Variants in UBTD1 observed in about 807,000 individuals in gnomAD.
UBTD1 encodes ubiquitin domain-containing protein 1.
Under a neutral mutation model 21.7 loss-of-function variants are expected in UBTD1, and 19 were observed. The observed-to-expected ratio is 0.87, with a 90% CI of 0.61 to 1.28. The LOEUF (loss-of-function observed/expected upper bound fraction) is 1.28, where lower values mean the gene tolerates loss of function less well. UBTD1 is among the 50% of genes most tolerant of loss of function. UBTD1 has a pLI of 0.00. For missense variants in UBTD1, 282 were observed against 315.1 expected (o/e 0.89, Z 0.80); for synonymous variants, 116 against 135.1 (o/e 0.86, Z 0.98).
At chr10:97,501,813 G>A (rs914822291) in intron 1 of UBTD1, among the ~76,000 whole-genome samples, 1 of 151,910 alleles carries the variant, frequency 6.6e-6, no homozygotes, top group African/African-American at 2.4e-5. Context: ...TTCAAGTGCC[G>A]TGCCTTGTTT....
intron 1 of UBTD1, among the ~76,000 whole-genome samples, chr10:97,525,028 C>T (rs1259611809): frequency 6.6e-6 from 1 of 152,192 alleles, no homozygotes; most frequent in Non-Finnish European, 1.5e-5. Context: ...AGCCTCACTA[C>T]AGAAGATGGA....
chr10:97,503,545 G>A (rs1195546146), intron 1 of UBTD1, among the ~76,000 whole-genome samples: 1 of 151,962 alleles, frequency 6.6e-6, no homozygotes, highest in African/African-American at 2.4e-5. Context: ...ATCCACTTAC[G>A]TTCTGGAATC....
intron 1 of UBTD1, among the ~76,000 whole-genome samples, chr10:97,504,253 A>G (rs370611187): frequency 6.6e-6 from 1 of 151,862 alleles, no homozygotes; most frequent in East Asian, 1.9e-4. Context: ...CCGACAGACT[A>G]TTTCCATCCC....
chr10:97,513,842 CCTAAGA>C (rs1389637523), intron 1 of UBTD1, among the ~76,000 whole-genome samples: 1 of 152,084 alleles, frequency 6.6e-6, no homozygotes, highest in African/African-American at 2.4e-5. Flanking sequence ...CTCCTGAGTA[CCTAAGA>C]CTACAGGTGC....
chr10:97,530,004 GA>G (rs1212014319), intron 1 of UBTD1, among the ~76,000 whole-genome samples: 1 of 152,164 alleles, frequency 6.6e-6, no homozygotes, highest in Non-Finnish European at 1.5e-5. Context: ...ACCTTCCGCA[GA>G]GGGGGTGAGA....
intron 1 of UBTD1, among the ~76,000 whole-genome samples, chr10:97,520,412 G>T (rs4919104): frequency 0.24 from 36,168 of 152,114 alleles, 4,620 homozygotes; most frequent in East Asian, 0.48. Context: ...TGCCGTGCTT[G>T]ATCCTGGGTG....
intron 1 of UBTD1, 77 bp downstream of exon 1, chr10:97,499,350 G>T: frequency 6.8e-7 from 1 of 1,464,620 alleles, no homozygotes; most frequent in East Asian, 2.7e-5. Flanking sequence ...TGGGCTTACC[G>T]ATGGACTCCC....
At chr10:97,554,856 CAG>C (rs2040657026) in intron 1 of UBTD1, among the ~76,000 whole-genome samples, 1 of 152,172 alleles carries the variant, frequency 6.6e-6, no homozygotes, top group Admixed American at 6.5e-5. Flanking sequence ...GCTGGCCAAA[CAG>C]TGAACATTTT....
intron 1 of UBTD1, among the ~76,000 whole-genome samples, chr10:97,511,551 A>T (rs1397533790): frequency 6.6e-6 from 1 of 152,178 alleles, no homozygotes; most frequent in African/African-American, 2.4e-5. Flanking sequence ...GCACTTTGTG[A>T]CAACCTTCAT....
intron 1 of UBTD1, among the ~76,000 whole-genome samples, chr10:97,532,529 C>A (rs1027015247): frequency 6.6e-6 from 1 of 151,678 alleles, no homozygotes; most frequent in Non-Finnish European, 1.5e-5. Context: ...CGGTGGCTCA[C>A]GCCTGTAATC....
rs1424164176 is a variant in UBTD1 at position 97,569,764 on chromosome 10, T to G, written c.299-374T>G. On this transcript the variant is annotated intron_variant, in intron 2 of 2. Coordinates refer to ENST00000370664, the MANE Select transcript of UBTD1 (RefSeq NM_024954.5). ...CCTCACATGGGGAGCGAGTGGAGAG[T>G]GAGATAGTGCTCTAGTGTCTCTACA... Among the ~76,000 whole-genome samples the G allele has an allele frequency of 7.9e-5, 12 of 151,268 alleles. No individual in the cohort carries two copies. In the East Asian group the frequency reaches 2.3e-3, roughly 30 times the overall value.
intron 1 of UBTD1, among the ~76,000 whole-genome samples, chr10:97,512,195 C>T (rs2040425548): frequency 6.6e-6 from 1 of 152,200 alleles, no homozygotes; most frequent in Non-Finnish European, 1.5e-5. Flanking sequence ...GTCCCCATCC[C>T]TGGCCCCTGG....
At chr10:97,558,594 AAG>A (rs1589882930) in intron 1 of UBTD1, among the ~76,000 whole-genome samples, 1 of 152,270 alleles carries the variant, frequency 6.6e-6, no homozygotes, top group East Asian at 1.9e-4. Context: ...ATAGAGTGTA[AAG>A]AGTTTTGTCA....
chr10:97,508,405 C>T (rs1312481678), intron 1 of UBTD1, among the ~76,000 whole-genome samples: 2 of 152,180 alleles, frequency 1.3e-5, no homozygotes, highest in African/African-American at 2.4e-5. Flanking sequence ...TTTGATTCTC[C>T]CTATTTTACC....
intron 1 of UBTD1, among the ~76,000 whole-genome samples, chr10:97,510,310 C>T (rs1448740587): frequency 6.6e-6 from 1 of 152,196 alleles, no homozygotes; most frequent in Non-Finnish European, 1.5e-5. Context: ...TCAAAGAGAA[C>T]ATCTATAAGA....
Position 97,567,901 on chromosome 10 carries a change from C to G in UBTD1, c.71-13C>G. On this transcript the variant is annotated splice_polypyrimidine_tract_variant and intron_variant, in intron 1 of 2. Coordinates refer to ENST00000370664, the MANE Select transcript of UBTD1 (RefSeq NM_024954.5). Reference sequence around the variant, plus strand: ...CTTTAGAGATGCTGAGCCTCTCCTTCTGTCCTGCCCAGGACGCAATGAGCC... The same window carrying G: ...CTTTAGAGATGCTGAGCCTCTCCTTGTGTCCTGCCCAGGACGCAATGAGCC... 4 of 1,613,902 alleles carry G rather than the reference C, an allele frequency of 2.5e-6. No individual in the cohort carries two copies. In the East Asian group the frequency reaches 8.9e-5, roughly 36 times the overall value.
At chr10:97,502,790 C>T (rs1394080375) in intron 1 of UBTD1, among the ~76,000 whole-genome samples, 7 of 150,820 alleles carry the variant, frequency 4.6e-5, no homozygotes, top group East Asian at 3.9e-4. Context: ...GAGGTCCTCT[C>T]GTCTCATCAA....
At chr10:97,520,314 A>T (rs139887266) in intron 1 of UBTD1, among the ~76,000 whole-genome samples, 2 of 152,240 alleles carry the variant, frequency 1.3e-5, no homozygotes, top group African/African-American at 4.8e-5. Context: ...TGAAAGTGTT[A>T]TGTGGTCCTT....
chr10:97,518,512 T>TTC (rs2040454098), intron 1 of UBTD1, among the ~76,000 whole-genome samples: 1 of 152,082 alleles, frequency 6.6e-6, no homozygotes, highest in East Asian at 1.9e-4. Flanking sequence ...CCAGCCCGTT[T>TTC]GGCTATTTCT....
Sources: gnomAD v4.1 joint callset for allele counts (sites outside exome capture counted in the v4.1 genomes callset) on GRCh38, gnomAD v4.1.1 for gene constraint, MANE v1.5 for transcripts, NCBI Gene and HGNC (gene_info 2026-07-23, HGNC 2026-07-21) for gene names.